TAF4B: variants seen among roughly 807,000 people sequenced by gnomAD.
TAF4B encodes transcription initiation factor TFIID subunit 4B.
In TAF4B, 38 loss-of-function variants were observed where a neutral mutation model predicts 86.4. The ratio of observed to expected loss-of-function variants is 0.44; its 90% CI spans 0.34 to 0.58. TAF4B has a LOEUF of 0.58. Ranked by LOEUF, TAF4B falls within the 20% of genes least tolerant of loss-of-function variation. The probability of loss-of-function intolerance (pLI) is 0.02; values close to 1 mark genes in which losing one functional copy is unlikely to be tolerated. For missense variants in TAF4B, 988 were observed against 1,027.6 expected, an observed-to-expected ratio of 0.96 and a Z score of 0.53; for synonymous variants, 388 against 391.2, an observed-to-expected ratio of 0.99 and a Z score of 0.10.
At position 26,375,887 on chromosome 18, in the gene TAF4B, C is replaced by T. The variant is rs571263411; in HGVS notation, c.2422-13958C>T. On this transcript the variant is annotated intron_variant, in intron 14 of 14. Transcript: ENST00000269142. The stretch of plus-strand genomic sequence containing the variant: ...ATTTTGAGTTAATTTTTGTATATGG[C>T]GTCAGGTAGGGGCCCAAATTCATTC... 5.3e-5 allele frequency among the ~76,000 whole-genome samples: 8 copies of T among 152,124 alleles called. No homozygotes were observed. The East Asian group carries it at 1.3e-3, about 26-fold the overall frequency.
intron 14 of TAF4B, among the ~76,000 whole-genome samples, chr18:26,364,029 A>G (rs991045882): frequency 1.3e-5 from 2 of 152,226 alleles, no homozygotes; most frequent in African/African-American, 4.8e-5. Flanking sequence ...AATTGGAGAA[A>G]TTAGTTTTAG....
At chr18:26,385,552 G>A (rs189784952) in intron 14 of TAF4B, among the ~76,000 whole-genome samples, 115 of 127,972 alleles carry the variant, frequency 9.0e-4, no homozygotes, top group Admixed American at 2.6e-3. Context: ...TGAATTGGTC[G>A]TTTCATCTTT....
chr18:26,306,196 G>T (rs929645396), intron 9 of TAF4B, among the ~76,000 whole-genome samples: 1 of 152,010 alleles, frequency 6.6e-6, no homozygotes, highest in Non-Finnish European at 1.5e-5. Context: ...GTTTAATTTT[G>T]GGGGGTACAT....
At chr18:26,283,395 A>G (rs1426425156) in intron 6 of TAF4B, among the ~76,000 whole-genome samples, 1 of 151,950 alleles carries the variant, frequency 6.6e-6, no homozygotes, top group East Asian at 1.9e-4. Flanking sequence ...GACGAGGTGT[A>G]TTGTCAATGA....
At chr18:26,372,489 A>G (rs1453500945) in intron 14 of TAF4B, among the ~76,000 whole-genome samples, 1 of 152,182 alleles carries the variant, frequency 6.6e-6, no homozygotes, top group Non-Finnish European at 1.5e-5. Context: ...CCTATTAGTA[A>G]AGACCATCAG....
At chr18:26,311,141 T>G (rs554301539) in intron 9 of TAF4B, among the ~76,000 whole-genome samples, 2 of 152,142 alleles carry the variant, frequency 1.3e-5, no homozygotes, top group Non-Finnish European at 2.9e-5. Context: ...ATAAAATTAG[T>G]TGGAATTTAA....
At chr18:26,318,185 T>TACTAA (rs2056930780) in intron 10 of TAF4B, among the ~76,000 whole-genome samples, 1 of 152,098 alleles carries the variant, frequency 6.6e-6, no homozygotes, top group Non-Finnish European at 1.5e-5. Flanking sequence ...AGGTGCGCAC[T>TACTAA]ACTAAATCTG....
rs770917833 is a variant in TAF4B, at chr18:26,315,401, A to G, written c.2002+3A>G. On this transcript the variant is annotated splice_donor_region_variant and intron_variant, in intron 10 of 14. Transcript: ENST00000269142. ...ACAAAAGAGAATTTTAGACATTGGT[A>G]AGTGTAGAGTTATGATTATTGACCT... 8.7e-6 allele frequency: 14 copies of G among 1,609,444 alleles called. No homozygotes were observed. Among genetic ancestry groups the G allele is most frequent in the Non-Finnish European group, 1.2e-5 (14 of 1,178,620 alleles).
At position 26,285,994 on chromosome 18, in the gene TAF4B, C is replaced by T; in HGVS notation, c.1085C>T (p.Thr362Ile). 1 of 1,614,230 alleles carries T rather than the reference C, an allele frequency of 6.2e-7. No homozygotes were observed. Among genetic ancestry groups the T allele is most frequent in the Non-Finnish European group, 8.5e-7 (1 of 1,180,034 alleles). ...ATTGCTACCTGTACTACAACAGTAA[C>T]AACTTCTCCTGTGGTGACAACTACA... ...MVIATCTTTVTTSPVVTTTVS... is the reference protein window; with the variant it reads ...MVIATCTTTVITSPVVTTTVS... Residue 362 changes from threonine (T) to isoleucine (I), a missense_variant, in exon 7 of 15, where the codon ACA (threonine) becomes ATA (isoleucine). Transcript: ENST00000269142.
At chr18:26,388,149 G>A (rs1978486718) in intron 14 of TAF4B, among the ~76,000 whole-genome samples, 1 of 152,184 alleles carries the variant, frequency 6.6e-6, no homozygotes, top group Non-Finnish European at 1.5e-5. Context: ...GTGAAACAAA[G>A]GATTTTGTTT....
At chr18:26,362,236 G>A (rs144357158) in intron 14 of TAF4B, among the ~76,000 whole-genome samples, 154 of 152,126 alleles carry the variant, frequency 1.0e-3, no homozygotes, top group African/African-American at 3.7e-3. Context: ...CTGTAAAATG[G>A]GCATATTGCC....
At chr18:26,307,095 C>G (rs994616388) in intron 9 of TAF4B, among the ~76,000 whole-genome samples, 2 of 152,010 alleles carry the variant, frequency 1.3e-5, no homozygotes, top group African/African-American at 4.8e-5. Flanking sequence ...AGCCTTACTT[C>G]AGTTACTTTT....
At chr18:26,275,650 T>G (rs2056375237) in intron 5 of TAF4B, among the ~76,000 whole-genome samples, 1 of 152,184 alleles carries the variant, frequency 6.6e-6, no homozygotes, top group South Asian at 2.1e-4. Flanking sequence ...ACATCAGTCT[T>G]GCCTCCCTTA....
intron 14 of TAF4B, among the ~76,000 whole-genome samples, chr18:26,384,192 A>G (rs1189441981): frequency 1.3e-5 from 2 of 152,230 alleles, no homozygotes; most frequent in Non-Finnish European, 1.5e-5. Context: ...AGTGTAAATC[A>G]GGTAGAATCT....
intron 6 of TAF4B, 56 bp downstream of exon 6, chr18:26,282,116 T>A (rs1272381482): frequency 7.3e-7 from 1 of 1,368,100 alleles, no homozygotes; most frequent in Non-Finnish European, 1.0e-6. Context: ...TCTAAAATAA[T>A]TAAAAATGGG....
At chr18:26,293,212 A>G (rs2144613840) in intron 8 of TAF4B, among the ~76,000 whole-genome samples, 1 of 151,692 alleles carries the variant, frequency 6.6e-6, no homozygotes, top group South Asian at 2.1e-4. Flanking sequence ...AACATAGACT[A>G]TCTAAAAAGA....
intron 1 of TAF4B, among the ~76,000 whole-genome samples, chr18:26,243,945 G>T (rs1382039059): frequency 6.6e-6 from 1 of 152,218 alleles, no homozygotes; most frequent in Non-Finnish European, 1.5e-5. Flanking sequence ...TCCTCTGGAA[G>T]CTTCGTCTCA....
intron 13 of TAF4B, among the ~76,000 whole-genome samples, chr18:26,344,239 A>T (rs1405276480): frequency 6.6e-6 from 1 of 152,192 alleles, no homozygotes; most frequent in Non-Finnish European, 1.5e-5. Context: ...TCAATCTCTG[A>T]AAACTATATA....
At chr18:26,335,331 A>G in intron 13 of TAF4B, 100 bp downstream of exon 13, 1 of 1,026,578 alleles carries the variant, frequency 9.7e-7, no homozygotes, top group South Asian at 1.3e-5. Context: ...GTTGCATACC[A>G]TTTGCAGAAG....
Sources: gnomAD v4.1 joint callset for allele counts (sites outside exome capture counted in the v4.1 genomes callset) on GRCh38, gnomAD v4.1.1 for gene constraint, MANE v1.5 for transcripts, NCBI Gene and HGNC (gene_info 2026-07-23, HGNC 2026-07-21) for gene names.